The following APBB2 variants were observed in gnomAD, a reference collection of about 807,000 sequenced individuals.
APBB2 encodes Fe65-like 1.
APBB2 carries 38 observed loss-of-function variants against 82.5 expected under a neutral mutation model. The observed-to-expected ratio is 0.46, with a 90% CI of 0.36 to 0.60. The LOEUF is 0.60. Ranked by LOEUF, APBB2 falls within the 20% of genes least tolerant of loss-of-function variation. The probability of loss-of-function intolerance (pLI) is 0.00; values close to 1 mark genes in which losing one functional copy is unlikely to be tolerated. For synonymous variants in APBB2, 341 were observed against 368.2 expected (o/e 0.93, Z 0.85); for missense variants, 772 against 972.3 (o/e 0.79, Z 2.74).
At chr4:40,913,518 C>T (rs1779082310) in intron 10 of APBB2, among the ~76,000 whole-genome samples, 1 of 152,154 alleles carries the variant, frequency 6.6e-6, no homozygotes, top group Non-Finnish European at 1.5e-5. Flanking sequence ...CCATCATGTG[C>T]AGATTCCATA....
At chr4:41,103,788 C>T (rs895724063) in intron 2 of APBB2, among the ~76,000 whole-genome samples, 15 of 152,112 alleles carry the variant, frequency 9.9e-5, no homozygotes, top group African/African-American at 3.4e-4. Context: ...AGAATGAAGG[C>T]TAGCCAAAAA....
chr4:41,146,889 G>A (rs1038224839), intron 1 of APBB2, among the ~76,000 whole-genome samples: 3 of 152,200 alleles, frequency 2.0e-5, no homozygotes, highest in Admixed American at 6.5e-5. Context: ...GGGCTGATGT[G>A]ATCTGGCTTT....
At chr4:40,857,036 C>G (rs1267732256) in intron 12 of APBB2, 1 of 985,464 alleles carries the variant, frequency 1.0e-6, no homozygotes. Flanking sequence ...CTTTGCCTCC[C>G]GGTCCTTCCG....
intron 12 of APBB2, chr4:40,880,713 T>C: frequency 1.0e-6 from 1 of 985,428 alleles, no homozygotes; most frequent in Non-Finnish European, 1.2e-6. Flanking sequence ...ATCCTTTGTC[T>C]GGCTCAGGAC....
intron 6 of APBB2, among the ~76,000 whole-genome samples, chr4:40,999,726 T>C (rs968813274): frequency 6.6e-6 from 1 of 152,228 alleles, no homozygotes; most frequent in Admixed American, 6.5e-5. Flanking sequence ...CCCAAGGGCA[T>C]ACTCCTGCAT....
intron 3 of APBB2, among the ~76,000 whole-genome samples, chr4:41,090,788 A>G (rs1741411365): frequency 1.3e-5 from 2 of 152,200 alleles, no homozygotes; most frequent in South Asian, 4.1e-4. Context: ...TTAAAGAAAC[A>G]ATTACTGCAT....
intron 3 of APBB2, among the ~76,000 whole-genome samples, chr4:41,086,059 A>C (rs971493783): frequency 6.6e-6 from 1 of 152,220 alleles, no homozygotes; most frequent in Non-Finnish European, 1.5e-5. Flanking sequence ...ATTACCAAAA[A>C]ATTAGATAAC....
At chr4:41,203,574 A>G (rs895047425) in intron 1 of APBB2, among the ~76,000 whole-genome samples, 1 of 152,194 alleles carries the variant, frequency 6.6e-6, no homozygotes, top group African/African-American at 2.4e-5. Flanking sequence ...ATAGTATCCA[A>G]CATATTCAGT....
chr4:40,895,695 C>G (rs1773474861), intron 10 of APBB2, among the ~76,000 whole-genome samples: 1 of 152,234 alleles, frequency 6.6e-6, no homozygotes. Context: ...TAACCTCTCT[C>G]CCATGTCGGT....
At chr4:41,210,511 G>T (rs1779057505) in intron 1 of APBB2, among the ~76,000 whole-genome samples, 1 of 152,192 alleles carries the variant, frequency 6.6e-6, no homozygotes, top group Non-Finnish European at 1.5e-5. Context: ...CATTTCGGCT[G>T]AGAGAAATGC....
intron 10 of APBB2, among the ~76,000 whole-genome samples, chr4:40,910,820 G>A (rs78415009): frequency 0.021 from 3,182 of 152,336 alleles, 42 homozygotes; most frequent in South Asian, 0.028. Flanking sequence ...CACATTCATC[G>A]TCCTTAGTTT....
At chr4:40,991,388 G>T (rs1802058147) in intron 6 of APBB2, among the ~76,000 whole-genome samples, 1 of 151,704 alleles carries the variant, frequency 6.6e-6, no homozygotes, top group Non-Finnish European at 1.5e-5. Flanking sequence ...AAAATGCCTT[G>T]CATTTAAAAA....
At chr4:41,120,089 C>G (rs1183568624) in intron 2 of APBB2, among the ~76,000 whole-genome samples, 1 of 152,212 alleles carries the variant, frequency 6.6e-6, no homozygotes, top group Non-Finnish European at 1.5e-5. Context: ...ACACAGAACT[C>G]ATTCAAATCC....
At chr4:41,069,583 C>A (rs1256911587) in intron 3 of APBB2, among the ~76,000 whole-genome samples, 1 of 152,176 alleles carries the variant, frequency 6.6e-6, no homozygotes, top group Non-Finnish European at 1.5e-5. Flanking sequence ...TGAAGTCAGT[C>A]AGGACAGAGA....
At chr4:40,981,311 G>C (rs1798413781) in intron 6 of APBB2, among the ~76,000 whole-genome samples, 1 of 152,046 alleles carries the variant, frequency 6.6e-6, no homozygotes, top group Admixed American at 6.6e-5. Flanking sequence ...GCTGAGGCAA[G>C]TGGAGGTTTA....
At chr4:40,968,120 C>T (rs1795103641) in intron 6 of APBB2, among the ~76,000 whole-genome samples, 1 of 152,170 alleles carries the variant, frequency 6.6e-6, no homozygotes, top group Non-Finnish European at 1.5e-5. Context: ...TACTGTGTAT[C>T]AGCAGCCCTT....
At chr4:41,018,988 G>T (rs1810750159) in intron 5 of APBB2, among the ~76,000 whole-genome samples, 2 of 152,154 alleles carry the variant, frequency 1.3e-5, no homozygotes, top group Non-Finnish European at 2.9e-5. Context: ...CTTGAACAGG[G>T]CAGAAAGATA....
intron 10 of APBB2, among the ~76,000 whole-genome samples, chr4:40,920,585 G>C (rs535498467): frequency 1.3e-5 from 2 of 152,282 alleles, no homozygotes; most frequent in Admixed American, 1.3e-4. Flanking sequence ...GGCAGGGCAG[G>C]GCCGGGCTGG....
intron 1 of APBB2, among the ~76,000 whole-genome samples, chr4:41,196,930 C>A: frequency 1.3e-5 from 2 of 151,594 alleles, no homozygotes; most frequent in African/African-American, 4.9e-5. Context: ...GGCGGCACCA[C>A]CACGGAGGGT....
Sources: gnomAD v4.1 joint callset for allele counts (sites outside exome capture counted in the v4.1 genomes callset) on GRCh38, gnomAD v4.1.1 for gene constraint, MANE v1.5 for transcripts, NCBI Gene and HGNC (gene_info 2026-07-23, HGNC 2026-07-21) for gene names.